The following RYR3 variants were observed in gnomAD, a reference collection of about 807,000 sequenced individuals.
RYR3 encodes ryanodine receptor 3, also known as brain ryanodine receptor-calcium release channel.
Under a neutral mutation model 584.3 loss-of-function variants are expected in RYR3, and 207 were observed. The ratio of observed to expected loss-of-function variants is 0.35; its 90% CI spans 0.32 to 0.40. RYR3 has a LOEUF of 0.40. RYR3 is among the 10% of genes least tolerant of loss of function. The probability of loss-of-function intolerance (pLI) is 1.00; values close to 1 mark genes in which losing one functional copy is unlikely to be tolerated. For missense variants in RYR3, 5,616 were observed against 6,089.2 expected (o/e 0.92, Z 2.59); for synonymous variants, 2,416 against 2,248.5 (o/e 1.07, Z -2.11).
intron 60 of RYR3, among the ~76,000 whole-genome samples, chr15:33,766,936 T>C (rs923588153): frequency 4.6e-5 from 7 of 152,142 alleles, no homozygotes; most frequent in Admixed American, 6.6e-5. Context: ...CCAGGTTCCA[T>C]AGGGAACAAG....
intron 91 of RYR3, 66 bp downstream of exon 91, chr15:33,842,101 G>A (rs533655827): frequency 1.3e-6 from 2 of 1,511,884 alleles, no homozygotes; most frequent in South Asian, 2.5e-5. Flanking sequence ...GCAGAGAGGT[G>A]CCGCTGATTT....
chr15:33,845,580 C>T (rs2078672093), intron 93 of RYR3, among the ~76,000 whole-genome samples: 2 of 152,056 alleles, frequency 1.3e-5, no homozygotes, highest in African/African-American at 2.4e-5. Flanking sequence ...CAGAATCTAC[C>T]ACTTAGCATG....
chr15:33,616,030 T>G (rs1415198303), intron 19 of RYR3, among the ~76,000 whole-genome samples: 1 of 152,224 alleles, frequency 6.6e-6, no homozygotes, highest in Non-Finnish European at 1.5e-5. Flanking sequence ...TTCCCGGGAC[T>G]GCATTTGCAT....
In RYR3 at chr15:33,530,678, TG is replaced by T; in HGVS notation, c.354+14del. 1 of 1,603,238 alleles carries T rather than the reference TG, an allele frequency of 6.2e-7. No individual in the cohort carries two copies. ...CTTTCAGCGGAATGGTAAGCAGCTC[TG>T]GTGCCCACTTTCATCATTCAAGGAG... On this transcript the variant is annotated intron_variant, in intron 4 of 103. Coordinates refer to ENST00000634891, the MANE Select transcript of RYR3 (RefSeq NM_001036.6).
rs142958178 is a variant in RYR3 at position 33,686,230 on chromosome 15, C to T, written c.5861-9988C>T. Among the ~76,000 whole-genome samples the T allele has an allele frequency of 1.4e-4, 21 of 152,154 alleles. No homozygotes were observed. The East Asian group carries it at 1.7e-3, about 13-fold the overall frequency. Reference sequence around the variant, plus strand: ...GAATCAAATAGACGCAATAAAAAATCGTAAAGGGGATGATATCACCACCAA... The same window carrying T: ...GAATCAAATAGACGCAATAAAAAATTGTAAAGGGGATGATATCACCACCAA... On this transcript the variant is annotated intron_variant, in intron 38 of 103. Coordinates refer to ENST00000634891, the MANE Select transcript of RYR3 (RefSeq NM_001036.6).
chr15:33,812,904 G>T lies in RYR3; in HGVS notation c.10299G>T (p.Lys3433Asn), dbSNP rs762323035. The change falls in exon 73 of 104, where the codon AAG (lysine) becomes AAT (asparagine). Residue 3433 changes from lysine to asparagine, a missense_variant. Lys to Asn is a moderately conservative substitution (Grantham distance 94). Around this residue, in one of 9 missense-constraint regions of RYR3, gnomAD observed 954 missense variants for 1,132.2 expected, o/e 0.84. Transcript: ENST00000634891. ...TAAAATGGCAACTGAACCTCTACAA[G>T]GATGTTCTGAAGAGTGAAGAACCTT... ...PAVKWQLNLY[K>N]DVLKSEEPFN... 6.2e-7 allele frequency: 1 copy of T among 1,613,938 alleles called. No homozygotes were observed. The highest frequency in any genetic ancestry group is 8.5e-7 in the Non-Finnish European group (1 of 1,179,838).
rs367572646 is a variant in RYR3 at position 33,660,273 on chromosome 15, A to C, written c.4472A>C (p.Asp1491Ala). 1.2e-5 allele frequency: 18 copies of C among 1,558,210 alleles called. No homozygotes were observed. In the African/African-American group the frequency reaches 2.0e-4, roughly 18 times the overall value. Residue 1491 changes from aspartate to alanine, a missense_variant, in exon 34 of 104, where the codon GAC (aspartate) becomes GCC (alanine). Around this residue, in one of 9 missense-constraint regions of RYR3, gnomAD observed 753 missense variants for 741.0 expected, o/e 1.02. Transcript: ENST00000634891. The stretch of plus-strand genomic sequence containing the variant: ...GTCCCACAGTGTCCACCTCGGCTGG[A>C]CGTCCAAACCATCCAGCCCGTGCTC... The part of the protein sequence containing the change: ...NPVPQCPPRL[D>A]VQTIQPVLWS...
chr15:33,819,792 C>T lies in RYR3; in HGVS notation c.10743C>T (p.Ser3581=). ...LEDDPLYTSY[S]SMMAKSCQSG... ...ACGACCCTTTGTACACCTCCTATTC[C>T]AGCATGATGGCCAAGGTACACCCAG... Residue 3581 remains serine (S), a synonymous_variant, in exon 77 of 104, where the codon TCC becomes TCT. Transcript: ENST00000634891. 6.3e-7 allele frequency: 1 copy of T among 1,588,114 alleles called. No homozygotes were observed. Among genetic ancestry groups the T allele is most frequent in the East Asian group, 2.3e-5 (1 of 44,346 alleles).
At chr15:33,456,745 G>T (rs1360669338) in intron 1 of RYR3, among the ~76,000 whole-genome samples, 1 of 152,160 alleles carries the variant, frequency 6.6e-6, no homozygotes, top group African/African-American at 2.4e-5. Flanking sequence ...CCTATTCCTG[G>T]TGAAATCTCT....
At chr15:33,844,092 G>A (rs2078558106) in intron 92 of RYR3, among the ~76,000 whole-genome samples, 1 of 152,148 alleles carries the variant, frequency 6.6e-6, no homozygotes, top group African/African-American at 2.4e-5. Context: ...ATTAATGAAG[G>A]GTCCTGAATT....
chr15:33,682,625 G>C (rs1019007811), intron 38 of RYR3, among the ~76,000 whole-genome samples: 1 of 152,144 alleles, frequency 6.6e-6, no homozygotes, highest in Admixed American at 6.5e-5. Flanking sequence ...GCTTCCCTAA[G>C]ACATTCTGTT....
intron 7 of RYR3, among the ~76,000 whole-genome samples, chr15:33,542,176 A>G (rs970918479): frequency 2.6e-5 from 4 of 152,146 alleles, no homozygotes; most frequent in Non-Finnish European, 5.9e-5. Context: ...AACCCACTTC[A>G]GCCCTTAAGA....
chr15:33,738,756 C>A (rs1399749869), intron 50 of RYR3, among the ~76,000 whole-genome samples, 166 bp downstream of exon 50: 1 of 152,234 alleles, frequency 6.6e-6, no homozygotes, highest in East Asian at 1.9e-4. Flanking sequence ...TGGAAACTCT[C>A]AAAATCCTTA....
In RYR3 at chr15:33,435,903, C is replaced by CT. The variant is rs199576472; in HGVS notation, c.52-37512dup. ...TTGCCACTACTGGCTGGGGTGGCAG[C>CT]TTTTATTCCCTTATTTGACCCTGCC... is the stretch of plus-strand genomic sequence containing the variant. On this transcript the variant is annotated intron_variant, in intron 1 of 103. Transcript: ENST00000634891. 2.4e-4 allele frequency among the ~76,000 whole-genome samples: 36 copies of CT among 152,330 alleles called. No individual in the cohort carries two copies. The East Asian group carries it at 6.7e-3, about 29-fold the overall frequency.
At chr15:33,318,893 T>C (rs1352165999) in intron 1 of RYR3, among the ~76,000 whole-genome samples, 3 of 152,236 alleles carry the variant, frequency 2.0e-5, no homozygotes, top group Non-Finnish European at 4.4e-5. Context: ...TTATCAGTTA[T>C]TGTATTCATT....
intron 1 of RYR3, among the ~76,000 whole-genome samples, chr15:33,377,081 C>A (rs1209578416): frequency 6.6e-6 from 1 of 152,212 alleles, no homozygotes. Context: ...GGAAGCAAGG[C>A]AGGCAGCATG....
intron 18 of RYR3, among the ~76,000 whole-genome samples, chr15:33,605,283 A>C (rs1375578575): frequency 6.6e-6 from 1 of 152,114 alleles, no homozygotes; most frequent in Non-Finnish European, 1.5e-5. Context: ...ATAGAGGGCT[A>C]CTCTGTGCAT....
intron 12 of RYR3, among the ~76,000 whole-genome samples, chr15:33,573,607 A>T (rs117898931): frequency 0.01 from 1,529 of 152,360 alleles, 8 homozygotes; most frequent in Middle Eastern, 0.024. Context: ...AGAGACAACA[A>T]ATAAATCATT....
intron 12 of RYR3, among the ~76,000 whole-genome samples, chr15:33,569,722 G>A (rs916503647): frequency 1.3e-5 from 2 of 152,100 alleles, no homozygotes; most frequent in African/African-American, 4.8e-5. Context: ...AATGTCTGAA[G>A]TTTCTGTTTT....
Sources: allele counts gnomAD v4.1 joint callset (sites outside exome capture counted in the v4.1 genomes callset), GRCh38; gene constraint gnomAD v4.1.1; regional missense constraint gnomAD v4.1.1; transcripts MANE v1.5; gene names NCBI Gene and HGNC (gene_info 2026-07-23, HGNC 2026-07-21).